Variants in HS6ST3 observed in about 807,000 individuals in gnomAD.
HS6ST3 encodes heparan sulfate 6-O-sulfotransferase 3.
Under a neutral mutation model 36.7 loss-of-function variants are expected in HS6ST3, and 12 were observed. The ratio of observed to expected loss-of-function variants is 0.33; its 90% CI spans 0.21 to 0.53. The LOEUF (loss-of-function observed/expected upper bound fraction) is 0.53, where lower values mean the gene tolerates loss of function less well. HS6ST3 is among the 20% of genes least tolerant of loss of function. HS6ST3 has a pLI of 0.95. For synonymous variants in HS6ST3, 240 were observed against 257.5 expected (o/e 0.93, Z 0.65); for missense variants, 584 against 640.9 (o/e 0.91, Z 0.96).
chr13:96,526,750 G>A (rs2138931636), intron 1 of HS6ST3, among the ~76,000 whole-genome samples: 1 of 152,260 alleles, frequency 6.6e-6, no homozygotes, highest in South Asian at 2.1e-4. Context: ...TTAGGTATGG[G>A]AGAAAGCAAA....
chr13:96,413,787 A>G (rs775205350), intron 1 of HS6ST3, among the ~76,000 whole-genome samples: 2 of 152,248 alleles, frequency 1.3e-5, no homozygotes, highest in African/African-American at 2.4e-5. Flanking sequence ...ATTAGTCTGG[A>G]ACCTGATGAC....
At chr13:96,561,241 G>A (rs931915169) in intron 1 of HS6ST3, among the ~76,000 whole-genome samples, 5 of 152,068 alleles carry the variant, frequency 3.3e-5, no homozygotes, top group Admixed American at 2.0e-4. Context: ...CACACCCACA[G>A]CCATCTGATC....
intron 1 of HS6ST3, among the ~76,000 whole-genome samples, chr13:96,190,997 G>C (rs1376418703): frequency 6.6e-6 from 1 of 152,186 alleles, no homozygotes; most frequent in Non-Finnish European, 1.5e-5. Flanking sequence ...TGTGGTTCAA[G>C]TGTGATGAGA....
intron 1 of HS6ST3, among the ~76,000 whole-genome samples, chr13:96,431,781 A>ACGTTTG: frequency 6.6e-6 from 1 of 152,336 alleles, no homozygotes. Flanking sequence ...CAGTGATGCA[A>ACGTTTG]CGTTTGCCTA....
At chr13:96,548,344 C>G (rs2056205334) in intron 1 of HS6ST3, among the ~76,000 whole-genome samples, 1 of 152,154 alleles carries the variant, frequency 6.6e-6, no homozygotes, top group Non-Finnish European at 1.5e-5. Context: ...AGGAATCAAT[C>G]CCACAGCACC....
intron 1 of HS6ST3, among the ~76,000 whole-genome samples, chr13:96,746,015 G>C (rs1876552641): frequency 6.6e-6 from 1 of 151,878 alleles, no homozygotes; most frequent in African/African-American, 2.4e-5. Flanking sequence ...TAAAAAAAAG[G>C]ATACCCCAGA....
chr13:96,590,079 A>G (rs2056376964), intron 1 of HS6ST3, among the ~76,000 whole-genome samples: 1 of 152,084 alleles, frequency 6.6e-6, no homozygotes, highest in Non-Finnish European at 1.5e-5. Flanking sequence ...TTACTCATTC[A>G]TCTGTTGATG....
chr13:96,530,487 A>T (rs2056131206), intron 1 of HS6ST3, among the ~76,000 whole-genome samples: 1 of 151,060 alleles, frequency 6.6e-6, no homozygotes, highest in Non-Finnish European at 1.5e-5. Context: ...TTAACTGATC[A>T]GTTTCTTTTT....
At chr13:96,786,036 A>G (rs1178104937) in intron 1 of HS6ST3, among the ~76,000 whole-genome samples, 1 of 152,148 alleles carries the variant, frequency 6.6e-6, no homozygotes, top group Non-Finnish European at 1.5e-5. Flanking sequence ...GCCATAACCT[A>G]GGGGGCTCTA....
At chr13:96,383,325 G>C (rs1007623908) in intron 1 of HS6ST3, among the ~76,000 whole-genome samples, 1 of 152,098 alleles carries the variant, frequency 6.6e-6, no homozygotes, top group South Asian at 2.1e-4. Flanking sequence ...GTGGTGGCAT[G>C]CTCCTGTAAT....
intron 1 of HS6ST3, among the ~76,000 whole-genome samples, chr13:96,551,074 C>A (rs1424182032): frequency 2.0e-5 from 3 of 152,110 alleles, no homozygotes; most frequent in Admixed American, 6.5e-5. Flanking sequence ...CCTTTGAGAT[C>A]AAAAATTAAT....
intron 1 of HS6ST3, among the ~76,000 whole-genome samples, chr13:96,224,357 G>A (rs749497133): frequency 2.0e-5 from 3 of 152,082 alleles, no homozygotes; most frequent in South Asian, 2.1e-4. Flanking sequence ...GTGTCTCTCC[G>A]TCTGCTAGGC....
chr13:96,276,970 A>G (rs2054751657), intron 1 of HS6ST3, among the ~76,000 whole-genome samples: 1 of 152,148 alleles, frequency 6.6e-6, no homozygotes, highest in Non-Finnish European at 1.5e-5. Flanking sequence ...CTCTTGTTGG[A>G]TAAATACTGC....
chr13:96,446,502 T>C (rs1233773112), intron 1 of HS6ST3, among the ~76,000 whole-genome samples: 1 of 152,178 alleles, frequency 6.6e-6, no homozygotes, highest in East Asian at 1.9e-4. Flanking sequence ...CTCACAATGA[T>C]AGGAGAAAAT....
chr13:96,484,183 A>G (rs1017243753), intron 1 of HS6ST3, among the ~76,000 whole-genome samples: 2 of 152,002 alleles, frequency 1.3e-5, no homozygotes, highest in African/African-American at 4.8e-5. Context: ...TAAGAATTGT[A>G]TATGTTTAAA....
At chr13:96,240,827 A>T (rs1278028769) in intron 1 of HS6ST3, among the ~76,000 whole-genome samples, 1 of 152,258 alleles carries the variant, frequency 6.6e-6, no homozygotes, top group African/African-American at 2.4e-5. Context: ...CAGTGTGGTT[A>T]TGCATTCCAG....
intron 1 of HS6ST3, among the ~76,000 whole-genome samples, chr13:96,738,697 A>G (rs1319858616): frequency 6.6e-6 from 1 of 152,240 alleles, no homozygotes; most frequent in Non-Finnish European, 1.5e-5. Context: ...TTTAGTGTGT[A>G]GCAATGTATC....
intron 1 of HS6ST3, among the ~76,000 whole-genome samples, chr13:96,583,758 T>C (rs1439558459): frequency 6.6e-6 from 1 of 152,200 alleles, no homozygotes; most frequent in East Asian, 1.9e-4. Flanking sequence ...CTCTTTATCA[T>C]CAGTCAAGTC....
chr13:96,441,810 T>TA (rs1418840126), intron 1 of HS6ST3, among the ~76,000 whole-genome samples: 2 of 151,714 alleles, frequency 1.3e-5, no homozygotes, highest in Non-Finnish European at 2.9e-5. Context: ...GAATATAGCA[T>TA]AAAAAGACAA....
Sources: allele counts gnomAD v4.1 joint callset (sites outside exome capture counted in the v4.1 genomes callset), GRCh38; gene constraint gnomAD v4.1.1; transcripts MANE v1.5; gene names NCBI Gene and HGNC (gene_info 2026-07-23, HGNC 2026-07-21).